SLIT2: variants seen among roughly 807,000 people sequenced by gnomAD.
SLIT2 encodes the protein slit homolog 2 protein.
SLIT2 carries 41 observed loss-of-function variants against 185.7 expected under a neutral mutation model. The ratio of observed to expected loss-of-function variants is 0.22; its 90% CI spans 0.17 to 0.29. SLIT2 has a LOEUF of 0.29. SLIT2 is among the 10% of genes least tolerant of loss of function. The probability of loss-of-function intolerance (pLI) is 1.00; values close to 1 mark genes in which losing one functional copy is unlikely to be tolerated. For synonymous variants in SLIT2, 693 were observed against 680.2 expected (o/e 1.02, Z -0.29); for missense variants, 1,571 against 1,909.0 (o/e 0.82, Z 3.30).
At chr4:20,442,489 G>T (rs1355129499) in intron 4 of SLIT2, among the ~76,000 whole-genome samples, 1 of 142,924 alleles carries the variant, frequency 7.0e-6, no homozygotes, top group Admixed American at 7.2e-5. Flanking sequence ...GCGCCACTGC[G>T]CTCCAGCCTG....
At chr4:20,478,905 G>T (rs992680837) in intron 5 of SLIT2, among the ~76,000 whole-genome samples, 3 of 152,142 alleles carry the variant, frequency 2.0e-5, no homozygotes. Context: ...GCTCAAGAAT[G>T]TAAGTGTTTT....
chr4:20,439,353 C>G (rs1473600767), intron 4 of SLIT2, among the ~76,000 whole-genome samples: 1 of 152,114 alleles, frequency 6.6e-6, no homozygotes, highest in African/African-American at 2.4e-5. Context: ...ATCAAGGTGT[C>G]CACAGGGTTG....
chr4:20,297,053 C>A (rs1716552566), intron 4 of SLIT2, among the ~76,000 whole-genome samples: 1 of 152,112 alleles, frequency 6.6e-6, no homozygotes, highest in Admixed American at 6.6e-5. Context: ...CCATTTTTTC[C>A]CGTTTTGAAC....
At chr4:20,615,558 T>C (rs1278913744) in intron 34 of SLIT2, 1 of 152,170 alleles carries the variant, frequency 6.6e-6, no homozygotes, top group Non-Finnish European at 1.5e-5. Flanking sequence ...TCATGGTGTA[T>C]AGATGACAAT....
intron 8 of SLIT2, among the ~76,000 whole-genome samples, chr4:20,490,590 A>G (rs894865779): frequency 2.0e-5 from 3 of 152,202 alleles, no homozygotes; most frequent in Admixed American, 6.5e-5. Context: ...GTAGGGAGAC[A>G]TGACTAGTAC....
chr4:20,278,655 CA>C (rs1336214819), intron 4 of SLIT2, among the ~76,000 whole-genome samples: 1 of 151,708 alleles, frequency 6.6e-6, no homozygotes, highest in African/African-American at 2.4e-5. Flanking sequence ...ACAAAAAAAA[CA>C]CAAAACATTG....
At chr4:20,557,651 A>G (rs918235835) in intron 26 of SLIT2, among the ~76,000 whole-genome samples, 3 of 152,080 alleles carry the variant, frequency 2.0e-5, no homozygotes, top group Admixed American at 1.3e-4. Context: ...TCTGCAGCCC[A>G]TGGATAAAGG....
chr4:20,464,957 C>A (rs770048888), intron 4 of SLIT2, among the ~76,000 whole-genome samples: 2 of 152,118 alleles, frequency 1.3e-5, no homozygotes, highest in Non-Finnish European at 2.9e-5. Flanking sequence ...GCCCTTGCAA[C>A]ATAGAGTAGA....
At chr4:20,371,910 A>C (rs780848192) in intron 4 of SLIT2, among the ~76,000 whole-genome samples, 1 of 152,108 alleles carries the variant, frequency 6.6e-6, no homozygotes, top group Non-Finnish European at 1.5e-5. Context: ...AGAGCTCCAA[A>C]GAAATAGGAA....
intron 4 of SLIT2, among the ~76,000 whole-genome samples, chr4:20,376,220 A>C (rs909101914): frequency 2.0e-5 from 3 of 147,604 alleles, no homozygotes; most frequent in Non-Finnish European, 4.4e-5. Flanking sequence ...TACTGTTGTA[A>C]TATCACACAA....
Position 20,529,117 on chromosome 4 carries a change from C to A in SLIT2, c.1613+18C>A. 3 of 1,562,684 alleles carry A rather than the reference C, an allele frequency of 1.9e-6. No individual in the cohort carries two copies. The highest frequency in any genetic ancestry group is 2.3e-5 in the East Asian group (1 of 44,278). The stretch of plus-strand genomic sequence containing the variant: ...GCAGAGTTGTAAGTTCATCCCCCAA[C>A]AAAATTCTGGTTGGGATGGAGGGAA... On this transcript the variant is annotated intron_variant, in intron 16 of 36. Coordinates refer to ENST00000504154, the MANE Select transcript of SLIT2 (RefSeq NM_004787.4).
intron 29 of SLIT2, among the ~76,000 whole-genome samples, chr4:20,570,735 A>ATATATATATATATATATATG (rs1560204484): frequency 1.5e-4 from 3 of 19,812 alleles, no homozygotes; most frequent in Non-Finnish European, 2.7e-4. Flanking sequence ...ATATATGTAT[A>ATATATATATATATATATATG]TATATATATA....
intron 26 of SLIT2, among the ~76,000 whole-genome samples, chr4:20,558,672 TCTGA>T (rs1724457557): frequency 6.6e-6 from 1 of 151,986 alleles, no homozygotes; most frequent in Non-Finnish European, 1.5e-5. Flanking sequence ...TCAGTATTTA[TCTGA>T]CTAACTTGAG....
intron 4 of SLIT2, among the ~76,000 whole-genome samples, chr4:20,297,123 ACTGTACTTCTTGGTACTCATTT>A (rs1218108091): frequency 6.6e-6 from 1 of 152,178 alleles, no homozygotes; most frequent in African/African-American, 2.4e-5. Context: ...TGCATTTCTT[ACTGTACTTCTTGGTACTCATTT>A]CTTTTTTGAA....
intron 26 of SLIT2, among the ~76,000 whole-genome samples, chr4:20,565,201 G>A (rs1196167225): frequency 6.6e-6 from 1 of 151,988 alleles, no homozygotes; most frequent in Non-Finnish European, 1.5e-5. Flanking sequence ...TTACAAGGTT[G>A]AAAGCACAGT....
chr4:20,602,358 TG>T (rs1439147986), intron 33 of SLIT2, among the ~76,000 whole-genome samples: 1 of 152,218 alleles, frequency 6.6e-6, no homozygotes, highest in East Asian at 1.9e-4. Flanking sequence ...TAGCTTGAAG[TG>T]TGTTTAAGAA....
At chr4:20,370,508 A>G (rs2109315754) in intron 4 of SLIT2, among the ~76,000 whole-genome samples, 1 of 152,244 alleles carries the variant, frequency 6.6e-6, no homozygotes, top group African/African-American at 2.4e-5. Context: ...GAAACCAGCA[A>G]CACTATTTGC....
chr4:20,303,465 T>G (rs80028753), intron 4 of SLIT2, among the ~76,000 whole-genome samples: 5,289 of 152,270 alleles, frequency 0.035, 243 homozygotes, highest in East Asian at 0.13. Context: ...TACTTTTTTT[T>G]TTTATTTTGA....
intron 34 of SLIT2, among the ~76,000 whole-genome samples, chr4:20,611,767 T>C (rs1578022087): frequency 1.3e-5 from 2 of 152,186 alleles, no homozygotes; most frequent in East Asian, 3.9e-4. Flanking sequence ...TGTGCAGAGA[T>C]CTTAGGAAAT....
Sources: allele counts gnomAD v4.1 joint callset (sites outside exome capture counted in the v4.1 genomes callset), GRCh38; gene constraint gnomAD v4.1.1; transcripts MANE v1.5; gene names NCBI Gene and HGNC (gene_info 2026-07-23, HGNC 2026-07-21).